Variants in STOML1 observed in about 807,000 individuals in gnomAD.
The protein encoded by STOML1 is stomatin-like protein 1.
A neutral mutation model predicts 35.7 loss-of-function variants in STOML1; 27 were observed. The observed-to-expected ratio is 0.76, with a 90% CI of 0.56 to 1.04. The LOEUF is 1.04. STOML1 is among the 50% of genes least tolerant of loss of function. STOML1 has a pLI of 0.00. For synonymous variants in STOML1, 219 were observed against 227.9 expected, an observed-to-expected ratio of 0.96 and a Z score of 0.35; for missense variants, 451 against 527.1, an observed-to-expected ratio of 0.86 and a Z score of 1.41.
At chr15:73,989,893 C>T (rs951189734) in intron 2 of STOML1, 1 of 162,208 alleles carries the variant, frequency 6.2e-6, no homozygotes, top group African/African-American at 2.4e-5. Context: ...CCTTGGGCTT[C>T]CACCTTCCCC....
rs2068935813 is a variant in STOML1, at chr15:73,979,393, C to T, written c.*4544G>A. 6.6e-6 allele frequency: 1 copy of T among 152,050 alleles called. No homozygotes were observed. 9.4% of individuals were successfully genotyped at this position (152,050 alleles called of 1,614,324 possible). On this transcript the variant is annotated 3_prime_UTR_variant, in exon 7 of 7. Transcript: ENST00000541638. Reference sequence around the variant, plus strand: ...TTGAGATGGAGTCTCACTCTGTTGCCCAGGCTAAAGTGCAGTGGCATGATC... The same window carrying T: ...TTGAGATGGAGTCTCACTCTGTTGCTCAGGCTAAAGTGCAGTGGCATGATC...
In STOML1 at chr15:73,983,620, T is replaced by C; in HGVS notation, c.*317A>G. On this transcript the variant is annotated 3_prime_UTR_variant, in exon 7 of 7. Transcript: ENST00000541638. ...TGTCAGGCTGTTTCTGTGGGTCCTG[T>C]CTCTCCAGTCAGGAAGCCAGCAGGG... The C allele has an allele frequency of 3.5e-6, 1 of 283,058 alleles. No individual in the cohort carries two copies. 17.5% of individuals were successfully genotyped at this position (283,058 alleles called of 1,614,324 possible).
At chr15:73,989,742 C>T (rs2069207782) in intron 2 of STOML1, among the ~76,000 whole-genome samples, 1 of 152,186 alleles carries the variant, frequency 6.6e-6, no homozygotes, top group African/African-American at 2.4e-5. Flanking sequence ...GAAACCTGTT[C>T]AAGGTCACAT....
intron 5 of STOML1, 119 bp downstream of exon 5, chr15:73,985,199 A>T: frequency 8.1e-7 from 1 of 1,233,908 alleles, no homozygotes; most frequent in Non-Finnish European, 1.1e-6. Context: ...GGCTGTGGTC[A>T]GTGTGGGCTG....
In STOML1 at chr15:73,985,334, G is replaced by A; in HGVS notation, c.774C>T (p.Ala258=). ...GCTCCTCACCTGGCCCCGGGGACGG[G>A]GCACCTCCTGCCATTGAGTTCATGC... The part of the protein sequence containing the change: ...GGSMNSMAGG[A]PSPGPADTVE... The change falls in exon 5 of 7, where the codon GCC becomes GCT. Residue 258 remains alanine, a synonymous_variant. Coordinates refer to ENST00000541638, the MANE Select transcript of STOML1 (RefSeq NM_004809.5). 2.6e-6 allele frequency: 4 copies of A among 1,539,378 alleles called. No individual in the cohort carries two copies. The highest frequency in any genetic ancestry group is 2.5e-5 in the South Asian group (2 of 79,120).
chr15:73,993,681 C>T (rs752216099), upstream of STOML1, among the ~76,000 whole-genome samples: 11 of 152,148 alleles, frequency 7.2e-5, no homozygotes, highest in Non-Finnish European at 1.5e-4. Context: ...GAACAGAGTA[C>T]GGAATGGGTA....
intron 6 of STOML1, 107 bp downstream of exon 6, chr15:73,984,552 C>A (rs2069024580): frequency 7.4e-6 from 10 of 1,354,320 alleles, no homozygotes; most frequent in Admixed American, 6.4e-5. Context: ...GGGTTCACCC[C>A]AAATTATTGG....
In STOML1 at chr15:73,982,074, A is replaced by G. The variant is rs1191799466; in HGVS notation, c.*1863T>C. ...CAGCCAAGGGGCCGTGCCAGCTTTC[A>G]TGGTGAAGATGCCTGGGGTTTCCTG... On this transcript the variant is annotated 3_prime_UTR_variant, in exon 7 of 7. Coordinates refer to ENST00000541638, the MANE Select transcript of STOML1 (RefSeq NM_004809.5). 6.6e-6 allele frequency: 1 copy of G among 152,332 alleles called. No individual in the cohort carries two copies. The highest frequency in any genetic ancestry group is 1.5e-5 in the Non-Finnish European group (1 of 68,146). The allele number at this position is 152,332 out of a possible 1,614,324, so 9.4% of individuals were successfully genotyped here. A position where few individuals can be genotyped will look rare whatever the true frequency, so the allele number is the denominator to read the frequency against.
rs2068940665 is a variant in STOML1, at chr15:73,979,728, C to G, written c.*4209G>C. Reference sequence around the variant, plus strand: ...AATGCTAGGGGAAGAGAAACCAAACCAAACCAAACCCTGTTCTTTGCTGGA... The same window carrying G: ...AATGCTAGGGGAAGAGAAACCAAACGAAACCAAACCCTGTTCTTTGCTGGA... On this transcript the variant is annotated 3_prime_UTR_variant, in exon 7 of 7. Coordinates refer to ENST00000541638, the MANE Select transcript of STOML1 (RefSeq NM_004809.5). 6.6e-6 allele frequency: 1 copy of G among 152,050 alleles called. No homozygotes were observed. The highest frequency in any genetic ancestry group is 2.1e-4 in the South Asian group (1 of 4,812). The allele number at this position is 152,050 out of a possible 1,614,324, so 9.4% of individuals were successfully genotyped here. A position where few individuals can be genotyped will look rare whatever the true frequency, so the allele number is the denominator to read the frequency against.
rs537166637 is a variant in STOML1, at chr15:73,983,946, G to A, written c.1188C>T (p.Ala396=). The A allele has an allele frequency of 8.7e-6, 14 of 1,611,582 alleles. No individual in the cohort carries two copies. In the African/African-American group the frequency reaches 9.3e-5, roughly 11 times the overall value. The change falls in exon 7 of 7, where the codon GCC becomes GCT. Residue 396 remains alanine (A), a synonymous_variant. Transcript: ENST00000541638. ...MAMKLEAVLR[A]LK is the part of the protein sequence containing the mutation. ...AAGTCAGCCAAGGCTGCTACTTCAA[G>A]GCCCTGAGGACAGCCTCCAGCTTCA...
At chr15:73,991,904 A>G (rs2069288203) in intron 1 of STOML1, 187 bp downstream of exon 1, 6 of 909,946 alleles carry the variant, frequency 6.6e-6, no homozygotes, top group Non-Finnish European at 9.7e-6. Context: ...CCATGACCCT[A>G]GGGAGGGCGG....
chr15:73,979,718 G>A lies in STOML1; in HGVS notation c.*4219C>T, dbSNP rs1404808126. The stretch of plus-strand genomic sequence containing the variant: ...AAAATATGTAAATGCTAGGGGAAGA[G>A]AAACCAAACCAAACCAAACCCTGTT... On this transcript the variant is annotated 3_prime_UTR_variant, in exon 7 of 7. Transcript: ENST00000541638. The A allele has an allele frequency of 6.6e-6, 1 of 152,168 alleles. No individual in the cohort carries two copies. Among genetic ancestry groups the A allele is most frequent in the Non-Finnish European group, 1.5e-5 (1 of 68,024 alleles). 9.4% of individuals were successfully genotyped at this position (152,168 alleles called of 1,614,324 possible).
Position 73,988,913 on chromosome 15 carries a change from A to C in STOML1, c.391-111T>G. ...CACCTGCTTGGCAGCTAGCTCCTCA[A>C]GGGCAAATGGTGTCACCAAGTATGT... is the stretch of plus-strand genomic sequence containing the variant. On this transcript the variant is annotated intron_variant, in intron 3 of 6. Coordinates refer to ENST00000541638, the MANE Select transcript of STOML1 (RefSeq NM_004809.5). This position sits in a 1 kb window ranked among gnomAD's most constrained non-coding sequence, Gnocchi z 4.8. 5 of 1,481,200 alleles carry C rather than the reference A, an allele frequency of 3.4e-6. No individual in the cohort carries two copies. In the South Asian group the frequency reaches 6.5e-5, roughly 19 times the overall value. 91.8% of individuals were successfully genotyped at this position (1,481,200 alleles called of 1,614,324 possible). A position where few individuals can be genotyped will look rare whatever the true frequency, so the allele number is the denominator to read the frequency against.
At chr15:73,990,231 A>G (rs2069226732) in intron 2 of STOML1, 120 bp downstream of exon 2, 2 of 862,674 alleles carry the variant, frequency 2.3e-6, no homozygotes, top group African/African-American at 1.7e-5. Flanking sequence ...TGCCTAGCCC[A>G]TTACACAAAG....
At chr15:73,990,531 A>C in intron 1 of STOML1, 74 bp from the exon 2 acceptor site, 1 of 1,375,864 alleles carries the variant, frequency 7.3e-7, no homozygotes, top group Non-Finnish European at 1.0e-6. Context: ...GGGCAAGTGT[A>C]CCTTACGCCC....
At chr15:73,992,401 C>T (rs2069313657), upstream of STOML1, 3 of 632,706 alleles carry the variant, frequency 4.7e-6, no homozygotes, top group South Asian at 1.4e-4. Context: ...CGCATGGCTC[C>T]CCCTGCGCTG....
At chr15:73,994,187 G>T (rs2069367594), upstream of STOML1, among the ~76,000 whole-genome samples, 1 of 152,146 alleles carries the variant, frequency 6.6e-6, no homozygotes, top group African/African-American at 2.4e-5. Context: ...CATTTCTCAT[G>T]AATTCCCTCT....
At chr15:73,992,351 G>A, upstream of STOML1, 2 of 1,201,696 alleles carry the variant, frequency 1.7e-6, no homozygotes, top group Non-Finnish European at 1.1e-6. Flanking sequence ...GGCGGCGCGG[G>A]CGCAGGAAGA....
At position 73,985,505 on chromosome 15, in the gene STOML1, G is replaced by T. The variant is rs1488683382; in HGVS notation, c.603C>A (p.Ile201=). Residue 201 remains isoleucine (I), a synonymous_variant, in exon 5 of 7, where the codon ATC becomes ATA. Transcript: ENST00000541638. ...GCCCCCAGGCCCTGGTCACATCGTT[G>T]ATCTCCAGCTGGAGGACAGTGTGAG... ...LKISDQLLLE[I]NDVTRAWGLE... 3.9e-6 allele frequency: 6 copies of T among 1,540,716 alleles called. No individual in the cohort carries two copies. Among genetic ancestry groups the T allele is most frequent in the Non-Finnish European group, 4.4e-6 (5 of 1,143,866 alleles).
Sources: gnomAD v4.1 joint callset for allele counts (sites outside exome capture counted in the v4.1 genomes callset) on GRCh38, gnomAD v4.1.1 for gene constraint, Gnocchi (gnomAD v3.1) non-coding constraint, MANE v1.5 for transcripts, NCBI Gene and HGNC (gene_info 2026-07-23, HGNC 2026-07-21) for gene names.